NCLN: variants seen among roughly 807,000 people sequenced by gnomAD.
NCLN encodes the protein BOS complex subunit NCLN.
Under a neutral mutation model 69.5 loss-of-function variants are expected in NCLN, and 34 were observed. The ratio of observed to expected loss-of-function variants is 0.49; its 90% CI spans 0.37 to 0.65. The LOEUF is 0.65. NCLN is among the 30% of genes least tolerant of loss of function. NCLN has a pLI of 0.00. For synonymous variants in NCLN, 393 were observed against 358.3 expected (o/e 1.10, Z -1.09); for missense variants, 710 against 804.8 (o/e 0.88, Z 1.42).
At position 3,207,825 on chromosome 19, in the gene NCLN, T is replaced by C; in HGVS notation, c.*137T>C. On this transcript the variant is annotated 3_prime_UTR_variant, in exon 15 of 15. Transcript: ENST00000246117. Reference sequence around the variant, plus strand: ...CCCTCCCCGGCGGTGGTTGGAACACTGAATTACAGAGCTTTTTTCTGTTGC... The same window carrying C: ...CCCTCCCCGGCGGTGGTTGGAACACCGAATTACAGAGCTTTTTTCTGTTGC... The C allele has an allele frequency of 1.5e-6, 1 of 677,942 alleles. No individual in the cohort carries two copies. Among genetic ancestry groups the C allele is most frequent in the Non-Finnish European group, 2.6e-6 (1 of 383,626 alleles). The allele number at this position is 677,942 out of a possible 1,614,324, so 42.0% of individuals were successfully genotyped here. A position where few individuals can be genotyped will look rare whatever the true frequency, so the allele number is the denominator to read the frequency against.
At chr19:3,188,923 G>A (rs1239432982) in intron 1 of NCLN, among the ~76,000 whole-genome samples, 4 of 152,226 alleles carry the variant, frequency 2.6e-5, no homozygotes, top group African/African-American at 7.2e-5. Context: ...GAGCCCTGCC[G>A]AGGACAGGCC....
intron 5 of NCLN, among the ~76,000 whole-genome samples, chr19:3,200,966 G>T (rs888840230): frequency 1.3e-5 from 2 of 152,200 alleles, no homozygotes; most frequent in Non-Finnish European, 2.9e-5. Context: ...GTGGCCTTGG[G>T]ACGGTCCCAA....
At chr19:3,191,071 G>A (rs1418234013) in intron 1 of NCLN, among the ~76,000 whole-genome samples, 2 of 150,824 alleles carry the variant, frequency 1.3e-5, no homozygotes, top group Admixed American at 6.6e-5. Flanking sequence ...GTCGCGGTGT[G>A]TGGCGGGCAG....
At position 3,206,292 on chromosome 19, in the gene NCLN, A is replaced by T; in HGVS notation, c.1366A>T (p.Met456Leu). Residue 456 changes from methionine to leucine, a missense_variant, in exon 12 of 15, where the codon ATG (methionine) becomes TTG (leucine). By Grantham distance (15) the Met-to-Leu change is conservative (BLOSUM62 2). Coordinates refer to ENST00000246117, the MANE Select transcript of NCLN (RefSeq NM_020170.4). The stretch of plus-strand genomic sequence containing the variant: ...CCAGCAGGAGCAGCTGGACTCGGTG[A>T]TGGACTGGCTCACCAACCAGCCGCG... ...QIQQEQLDSV[M>L]DWLTNQPRAA... is the part of the protein sequence containing the mutation. 5.2e-6 allele frequency: 8 copies of T among 1,548,098 alleles called. No individual in the cohort carries two copies. The highest frequency in any genetic ancestry group is 7.0e-6 in the Non-Finnish European group (8 of 1,146,864).
At chr19:3,200,050 T>G (rs1429725204) in intron 5 of NCLN, among the ~76,000 whole-genome samples, 1 of 151,890 alleles carries the variant, frequency 6.6e-6, no homozygotes, top group African/African-American at 2.4e-5. Flanking sequence ...GCGGAGGGTC[T>G]GGGCAGATCT....
At chr19:3,189,566 A>G (rs1033185642) in intron 1 of NCLN, among the ~76,000 whole-genome samples, 2 of 152,246 alleles carry the variant, frequency 1.3e-5, no homozygotes, top group Non-Finnish European at 2.9e-5. Context: ...GTTCAGGTCC[A>G]GTCCTGTCAC....
intron 5 of NCLN, among the ~76,000 whole-genome samples, chr19:3,200,384 C>G (rs1371518629): frequency 7.2e-6 from 1 of 139,442 alleles, no homozygotes; most frequent in Non-Finnish European, 1.5e-5. Context: ...GATCTGGGCT[C>G]ACTGCAACCT....
At chr19:3,200,874 C>T (rs1916109328) in intron 5 of NCLN, among the ~76,000 whole-genome samples, 1 of 152,142 alleles carries the variant, frequency 6.6e-6, no homozygotes. Context: ...TGGACAAAGT[C>T]TTTTGGATCT....
At chr19:3,186,806 C>T (rs1039846159) in intron 1 of NCLN, among the ~76,000 whole-genome samples, 25 of 152,046 alleles carry the variant, frequency 1.6e-4, no homozygotes, top group African/African-American at 5.8e-4. Context: ...CCAGCATTCC[C>T]CACCCCCTCC....
At chr19:3,196,442 A>G (rs1045077051) in intron 4 of NCLN, among the ~76,000 whole-genome samples, 165 bp downstream of exon 4, 7 of 152,088 alleles carry the variant, frequency 4.6e-5, no homozygotes, top group African/African-American at 1.7e-4. Flanking sequence ...TGGCAGCTGC[A>G]GGAACCCAAA....
intron 2 of NCLN, 113 bp downstream of exon 2, chr19:3,192,773 G>A: frequency 1.0e-6 from 1 of 955,212 alleles, no homozygotes; most frequent in Non-Finnish European, 1.5e-6. Flanking sequence ...TTGGAAAGTA[G>A]GATGGACTGT....
intron 1 of NCLN, among the ~76,000 whole-genome samples, chr19:3,191,303 G>A (rs1056747401): frequency 4.6e-5 from 7 of 152,146 alleles, no homozygotes; most frequent in African/African-American, 1.4e-4. Flanking sequence ...AAGCCCTGGC[G>A]AGTTTCCAGA....
intron 6 of NCLN, among the ~76,000 whole-genome samples, chr19:3,202,293 G>A (rs1599357292): frequency 6.6e-6 from 1 of 152,310 alleles, no homozygotes; most frequent in South Asian, 2.1e-4. Context: ...GTTTATCCTG[G>A]TGTCTGGTGT....
At chr19:3,193,650 C>T (rs1381123143) in intron 3 of NCLN, among the ~76,000 whole-genome samples, 1 of 152,234 alleles carries the variant, frequency 6.6e-6, no homozygotes, top group Non-Finnish European at 1.5e-5. Context: ...TGTCCCCCCT[C>T]CCAGCTGCTG....
rs776166210 is a variant in NCLN, at chr19:3,192,533, G to T, written c.248G>T (p.Arg83Leu). The change falls in exon 2 of 15, where the codon CGC (arginine) becomes CTC (leucine). Residue 83 changes from arginine (R) to leucine (L), a missense_variant. By Grantham distance (102) the Arg-to-Leu change is moderately radical (BLOSUM62 -2). Coordinates refer to ENST00000246117, the MANE Select transcript of NCLN (RefSeq NM_020170.4). ...ATGGCGGCGGAGGTGCTGAGCCGCC[G>T]CTGCGTGCTCATGCGGCTACTGGAC... Reference protein sequence around the residue: ...RTMAAEVLSRRCVLMRLLDFS... With the variant: ...RTMAAEVLSRLCVLMRLLDFS... 5.6e-6 allele frequency: 9 copies of T among 1,609,062 alleles called. No individual in the cohort carries two copies. The highest frequency in any genetic ancestry group is 1.7e-4 in the Middle Eastern group (1 of 5,982).
intron 4 of NCLN, among the ~76,000 whole-genome samples, 170 bp downstream of exon 4, chr19:3,196,447 C>T (rs1011176772): frequency 2.0e-5 from 3 of 152,140 alleles, no homozygotes; most frequent in Non-Finnish European, 2.9e-5. Flanking sequence ...GCTGCAGGAA[C>T]CCAAACTCCT....
intron 1 of NCLN, among the ~76,000 whole-genome samples, chr19:3,190,554 C>G (rs184227112): frequency 2.6e-5 from 4 of 152,318 alleles, no homozygotes; most frequent in African/African-American, 7.2e-5. Context: ...AAGCCCGAGG[C>G]TCAGCGCAGG....
rs572790498 is a variant in NCLN, at chr19:3,206,139, C to T, written c.1297-13C>T. 8.7e-5 allele frequency: 134 copies of T among 1,531,820 alleles called. No homozygotes were observed. The Middle Eastern group carries it at 1.4e-3, about 16-fold the overall frequency. 94.9% of individuals were successfully genotyped at this position (1,531,820 alleles called of 1,614,324 possible). A position where few individuals can be genotyped will look rare whatever the true frequency, so the allele number is the denominator to read the frequency against. On this transcript the variant is annotated splice_polypyrimidine_tract_variant and intron_variant, in intron 10 of 14. Coordinates refer to ENST00000246117, the MANE Select transcript of NCLN (RefSeq NM_020170.4). ...GGGCCTGGACTCAGGGCCATCCCCT[C>T]CTCTCTCCGCAGGGGACACCCCCAG...
At chr19:3,196,571 G>C (rs1334099180) in intron 4 of NCLN, among the ~76,000 whole-genome samples, 1 of 152,010 alleles carries the variant, frequency 6.6e-6, no homozygotes, top group Non-Finnish European at 1.5e-5. Flanking sequence ...CCACCCCAGG[G>C]CCTTTGCACC....
Sources: allele counts gnomAD v4.1 joint callset (sites outside exome capture counted in the v4.1 genomes callset), GRCh38; gene constraint gnomAD v4.1.1; transcripts MANE v1.5; gene names NCBI Gene and HGNC (gene_info 2026-07-23, HGNC 2026-07-21).